RBFOX1: variants seen among roughly 807,000 people sequenced by gnomAD.
RBFOX1 encodes RNA binding protein fox-1 homolog 1.
In RBFOX1, 8 loss-of-function variants were observed where a neutral mutation model predicts 57.7. The ratio of observed to expected loss-of-function variants is 0.14; its 90% confidence interval spans 0.08 to 0.25. The LOEUF (loss-of-function observed/expected upper bound fraction) is 0.25. RBFOX1 is among the 10% of genes least tolerant of loss of function. RBFOX1 has a pLI of 1.00. For synonymous variants in RBFOX1, 326 were observed against 222.4 expected (o/e 1.47, Z -4.15); for missense variants, 611 against 548.5 (o/e 1.11, Z -1.14).
intron 3 of RBFOX1, among the ~76,000 whole-genome samples, chr16:5,817,493 G>C (rs2055685629): frequency 6.6e-6 from 1 of 152,136 alleles, no homozygotes; most frequent in African/African-American, 2.4e-5. Flanking sequence ...GGATGAACAA[G>C]TGAGTGAGGC....
intron 4 of RBFOX1, among the ~76,000 whole-genome samples, chr16:7,374,906 C>T (rs945451961): frequency 6.6e-6 from 1 of 152,158 alleles, no homozygotes; most frequent in Non-Finnish European, 1.5e-5. Context: ...GACCTGCCAG[C>T]ACTAGTATTT....
chr16:7,704,620 A>ACACTGCCCCAGCCTC (rs2081848744), intron 14 of RBFOX1, among the ~76,000 whole-genome samples: 2 of 152,204 alleles, frequency 1.3e-5, no homozygotes, highest in South Asian at 4.1e-4. Flanking sequence ...GACAAAATAG[A>ACACTGCCCCAGCCTC]CACTGCCCCA....
At chr16:7,079,431 A>T (rs75071682) in intron 4 of RBFOX1, among the ~76,000 whole-genome samples, 2 of 152,194 alleles carry the variant, frequency 1.3e-5, no homozygotes, top group Non-Finnish European at 2.9e-5. Flanking sequence ...GCAGAACCAC[A>T]GTTTACACTG....
At chr16:7,399,839 A>G (rs1333225782) in intron 4 of RBFOX1, among the ~76,000 whole-genome samples, 1 of 152,200 alleles carries the variant, frequency 6.6e-6, no homozygotes, top group Non-Finnish European at 1.5e-5. Flanking sequence ...TGGGGACAAA[A>G]TTCAATCTAC....
At chr16:5,817,406 T>C (rs932421130) in intron 3 of RBFOX1, among the ~76,000 whole-genome samples, 2 of 152,172 alleles carry the variant, frequency 1.3e-5, no homozygotes, top group African/African-American at 4.8e-5. Flanking sequence ...TTCAGGTAGT[T>C]GCATTTTTAC....
chr16:6,531,177 C>T (rs1042118379), intron 2 of RBFOX1, among the ~76,000 whole-genome samples: 1 of 152,190 alleles, frequency 6.6e-6, no homozygotes, highest in Non-Finnish European at 1.5e-5. Context: ...TCCCACTCTG[C>T]CCCCGGTTTT....
chr16:7,394,921 A>T (rs1393344731), intron 4 of RBFOX1, among the ~76,000 whole-genome samples: 1 of 152,166 alleles, frequency 6.6e-6, no homozygotes. Context: ...TGCATACATA[A>T]ATAAGGCTGT....
At chr16:6,441,150 T>TG (rs1444086939) in intron 2 of RBFOX1, among the ~76,000 whole-genome samples, 4 of 152,006 alleles carry the variant, frequency 2.6e-5, no homozygotes, top group Admixed American at 2.0e-4. Context: ...GAACATGCCC[T>TG]GGGGGGTGGT....
At chr16:7,073,066 C>G (rs373081122) in intron 4 of RBFOX1, among the ~76,000 whole-genome samples, 3 of 152,086 alleles carry the variant, frequency 2.0e-5, no homozygotes, top group African/African-American at 7.2e-5. Context: ...AGAGGTAGTA[C>G]AGGTTGTAGG....
At chr16:6,932,389 G>A (rs933401009) in intron 3 of RBFOX1, among the ~76,000 whole-genome samples, 5 of 152,262 alleles carry the variant, frequency 3.3e-5, no homozygotes, top group African/African-American at 1.2e-4. Flanking sequence ...TTACATGCAT[G>A]AGCCACCATG....
In RBFOX1 at chr16:5,589,654, C is replaced by G. The variant is rs1413133313; in HGVS notation, c.259-9248C>G. 6.6e-5 allele frequency among the ~76,000 whole-genome samples: 10 copies of G among 152,300 alleles called. No homozygotes were observed. The East Asian group carries it at 1.9e-3, about 29-fold the overall frequency. ...AGGCCAGTTCTCCAGGATGTGTAAC[C>G]TTTGGCAAAGTCCATAATGGACTGG... is the stretch of plus-strand genomic sequence containing the variant. On this transcript the variant is annotated intron_variant, in intron 2 of 2. Coordinates refer to the RBFOX1 transcript ENST00000585867.
intron 4 of RBFOX1, among the ~76,000 whole-genome samples, chr16:7,209,490 G>A (rs1005648805): frequency 7.9e-5 from 12 of 152,158 alleles, no homozygotes; most frequent in African/African-American, 7.2e-5. Context: ...TGCACTTGCA[G>A]TTGGCTCCTG....
chr16:6,601,121 C>G (rs1469151722), intron 2 of RBFOX1, among the ~76,000 whole-genome samples: 1 of 152,152 alleles, frequency 6.6e-6, no homozygotes, highest in Non-Finnish European at 1.5e-5. Flanking sequence ...ACCCCTTTAG[C>G]CTAGTTGTAA....
intron 1 of RBFOX1, among the ~76,000 whole-genome samples, chr16:6,216,708 C>T (rs1339726289): frequency 5.9e-5 from 9 of 152,124 alleles, no homozygotes; most frequent in Non-Finnish European, 1.2e-4. Context: ...TAGCTGTGCT[C>T]TCTGATCCCA....
At chr16:5,921,281 C>T (rs983202774) in intron 4 of RBFOX1, among the ~76,000 whole-genome samples, 1 of 152,178 alleles carries the variant, frequency 6.6e-6, no homozygotes, top group African/African-American at 2.4e-5. Flanking sequence ...TCTTTCGCCT[C>T]CCTTCTCCAG....
chr16:6,382,636 G>A (rs766780231), intron 2 of RBFOX1, among the ~76,000 whole-genome samples: 1 of 152,164 alleles, frequency 6.6e-6, no homozygotes, highest in Admixed American at 6.5e-5. Flanking sequence ...GAGGCGGGCA[G>A]ATCATCTGAG....
At chr16:7,596,175 T>TAAACCTCTCG (rs1393002952) in intron 8 of RBFOX1, among the ~76,000 whole-genome samples, 1 of 147,772 alleles carries the variant, frequency 6.8e-6, no homozygotes, top group Non-Finnish European at 1.5e-5. Flanking sequence ...ACCTCTCGTT[T>TAAACCTCTCG]TTTTTTTTTT....
At chr16:6,366,369 A>G (rs11641761) in intron 2 of RBFOX1, among the ~76,000 whole-genome samples, 43,278 of 152,052 alleles carry the variant, frequency 0.28, 7,619 homozygotes, top group Non-Finnish European at 0.38. Context: ...AATTGTGAAT[A>G]TTGTAATAAA....
intron 3 of RBFOX1, among the ~76,000 whole-genome samples, chr16:6,921,287 A>G (rs577769110): frequency 2.6e-5 from 4 of 152,312 alleles, no homozygotes; most frequent in South Asian, 2.1e-4. Context: ...TTTTGATACA[A>G]TTTAGCTGTG....
Sources: allele counts gnomAD v4.1 joint callset (sites outside exome capture counted in the v4.1 genomes callset), GRCh38; gene constraint gnomAD v4.1.1; transcripts MANE v1.5; gene names NCBI Gene and HGNC (gene_info 2026-07-23, HGNC 2026-07-21).